MPZL1: variants seen among roughly 807,000 people sequenced by gnomAD.
MPZL1 encodes myelin protein zero-like protein 1.
A neutral mutation model predicts 29.3 loss-of-function variants in MPZL1; 16 were observed. The observed-to-expected ratio is 0.55, with a 90% CI of 0.37 to 0.83. The LOEUF is 0.83. MPZL1 is among the 40% of genes least tolerant of loss of function. The probability of loss-of-function intolerance (pLI) is 0.00; values close to 1 mark genes in which losing one functional copy is unlikely to be tolerated. For synonymous variants in MPZL1, 143 were observed against 132.0 expected, an observed-to-expected ratio of 1.08 and a Z score of -0.57; for missense variants, 279 against 332.9, an observed-to-expected ratio of 0.84 and a Z score of 1.26.
intron 1 of MPZL1, among the ~76,000 whole-genome samples, chr1:167,732,434 G>A (rs1571134416): frequency 2.0e-5 from 3 of 152,112 alleles, no homozygotes; most frequent in Admixed American, 2.0e-4. Context: ...ATACAGTTTA[G>A]TTATTTATTT....
At chr1:167,779,582 C>G (rs1434217888) in intron 5 of MPZL1, among the ~76,000 whole-genome samples, 1 of 148,626 alleles carries the variant, frequency 6.7e-6, no homozygotes, top group African/African-American at 2.5e-5. Flanking sequence ...GAGACTCCAT[C>G]TCAAAAAAAA....
intron 5 of MPZL1, among the ~76,000 whole-genome samples, chr1:167,784,791 T>C (rs1661559475): frequency 6.6e-6 from 1 of 152,246 alleles, no homozygotes; most frequent in Non-Finnish European, 1.5e-5. Flanking sequence ...TAAGACCTTA[T>C]TATATTCTAA....
chr1:167,738,407 A>G (rs763454258), intron 1 of MPZL1, among the ~76,000 whole-genome samples: 1 of 152,332 alleles, frequency 6.6e-6, no homozygotes. Flanking sequence ...AGTGATACAA[A>G]TAAGATGTCC....
chr1:167,727,786 T>C (rs1170933033), intron 1 of MPZL1, among the ~76,000 whole-genome samples: 2 of 152,160 alleles, frequency 1.3e-5, no homozygotes, highest in Non-Finnish European at 2.9e-5. Flanking sequence ...AGTGCATAAA[T>C]TGAGAAATTG....
At chr1:167,754,059 G>A (rs1287213213) in intron 1 of MPZL1, among the ~76,000 whole-genome samples, 4 of 151,812 alleles carry the variant, frequency 2.6e-5, no homozygotes, top group African/African-American at 7.3e-5. Context: ...GTGCAGTGGC[G>A]TGATCTCCGT....
intron 1 of MPZL1, among the ~76,000 whole-genome samples, chr1:167,742,001 C>A (rs187391369): frequency 6.7e-6 from 1 of 150,022 alleles, no homozygotes; most frequent in African/African-American, 2.5e-5. Context: ...CCACTGCACT[C>A]CAGCCTGGGT....
intron 5 of MPZL1, among the ~76,000 whole-genome samples, chr1:167,781,773 C>T (rs909267445): frequency 1.3e-5 from 2 of 152,078 alleles, no homozygotes; most frequent in Non-Finnish European, 2.9e-5. Flanking sequence ...GGTAATCTGT[C>T]GCTTCTCTCT....
At chr1:167,782,052 G>T (rs1661507809) in intron 5 of MPZL1, among the ~76,000 whole-genome samples, 1 of 152,048 alleles carries the variant, frequency 6.6e-6, no homozygotes. Flanking sequence ...CTCTCTTGCA[G>T]ATCTTTCATT....
chr1:167,753,922 G>A (rs1033906183), intron 1 of MPZL1, among the ~76,000 whole-genome samples: 17 of 150,148 alleles, frequency 1.1e-4, no homozygotes, highest in Non-Finnish European at 2.2e-4. Flanking sequence ...GAGCCACTGC[G>A]CCTGGCCTTT....
chr1:167,759,182 A>G (rs774847051), intron 1 of MPZL1, among the ~76,000 whole-genome samples: 1 of 152,186 alleles, frequency 6.6e-6, no homozygotes, highest in Non-Finnish European at 1.5e-5. Context: ...CCTATTTAAT[A>G]TCTTATTCAG....
chr1:167,726,393 T>C (rs1472498197), intron 1 of MPZL1, among the ~76,000 whole-genome samples: 2 of 152,260 alleles, frequency 1.3e-5, no homozygotes, highest in African/African-American at 4.8e-5. Flanking sequence ...CATCAGAATC[T>C]GGGACAGACA....
chr1:167,745,455 TA>T (rs1405700873), intron 1 of MPZL1, among the ~76,000 whole-genome samples: 3 of 152,080 alleles, frequency 2.0e-5, no homozygotes, highest in Non-Finnish European at 4.4e-5. Context: ...GTGTGTCTTT[TA>T]AAAACACGGA....
chr1:167,744,909 A>C (rs1327912277), intron 1 of MPZL1, among the ~76,000 whole-genome samples: 2 of 152,182 alleles, frequency 1.3e-5, no homozygotes, highest in African/African-American at 4.8e-5. Context: ...GCAGAGGCGG[A>C]TGGATCCACT....
chr1:167,728,827 A>G (rs550221589), intron 1 of MPZL1, among the ~76,000 whole-genome samples: 135 of 152,174 alleles, frequency 8.9e-4, no homozygotes, highest in Non-Finnish European at 1.8e-3. Context: ...TGCCCCATAG[A>G]ATGAAATCTA....
Position 167,752,817 on chromosome 1 carries a change from G to A in MPZL1, c.92-12766G>A, listed in dbSNP as rs76747408. On this transcript the variant is annotated intron_variant, in intron 1 of 5. Coordinates refer to ENST00000359523, the MANE Select transcript of MPZL1 (RefSeq NM_003953.6). ...TTTCCTTATTTTAGGAAAAAAAATA[G>A]TGCTTATATGTTTCATTAATCATAA... 6.3e-3 allele frequency among the ~76,000 whole-genome samples: 967 copies of A among 152,288 alleles called. 8 individuals are homozygous for A. The highest frequency in any genetic ancestry group is 0.022 in the African/African-American group (913 of 41,560).
intron 1 of MPZL1, among the ~76,000 whole-genome samples, chr1:167,755,424 A>G (rs978672745): frequency 1.4e-4 from 21 of 152,204 alleles, no homozygotes; most frequent in Non-Finnish European, 4.4e-5. Context: ...CAATTTTAAT[A>G]TGCCATTTCA....
chr1:167,778,965 A>G (rs1407932666), intron 5 of MPZL1, among the ~76,000 whole-genome samples: 1 of 151,664 alleles, frequency 6.6e-6, no homozygotes, highest in Non-Finnish European at 1.5e-5. Flanking sequence ...TACTAAAAAT[A>G]CAAAAAATTA....
rs1661662053 is a variant in MPZL1, at chr1:167,789,497, C to A, written c.*1576C>A. The A allele has an allele frequency of 6.6e-6, 1 of 152,122 alleles. No homozygotes were observed. Among genetic ancestry groups the A allele is most frequent in the Non-Finnish European group, 1.5e-5 (1 of 68,042 alleles). 9.4% of individuals were successfully genotyped at this position (152,122 alleles called of 1,614,324 possible). A position where few individuals can be genotyped will look rare whatever the true frequency, so the allele number is the denominator to read the frequency against. On this transcript the variant is annotated 3_prime_UTR_variant, in exon 6 of 6. Coordinates refer to ENST00000359523, the MANE Select transcript of MPZL1 (RefSeq NM_003953.6). ...GGGATGTTTGAAGGCTGAGTTCCAACAGAATTCACAAAGGGAATAAAACAG... is the reference window on the plus strand; with the variant it reads ...GGGATGTTTGAAGGCTGAGTTCCAAAAGAATTCACAAAGGGAATAAAACAG...
chr1:167,759,369 A>G (rs903247905), intron 1 of MPZL1, among the ~76,000 whole-genome samples: 4 of 152,194 alleles, frequency 2.6e-5, no homozygotes, highest in African/African-American at 9.7e-5. Context: ...GTATTCCCAT[A>G]ATACTCCTAG....
Sources: allele counts gnomAD v4.1 joint callset (sites outside exome capture counted in the v4.1 genomes callset), GRCh38; gene constraint gnomAD v4.1.1; transcripts MANE v1.5; gene names NCBI Gene and HGNC (gene_info 2026-07-23, HGNC 2026-07-21).